The following REDIC1 variants were observed in gnomAD, a reference collection of about 807,000 sequenced individuals.
REDIC1 encodes the protein regulator of DNA class I crossover intermediates 1, also known as HEI10 Interacting Protein 1.
At chr12:39,709,067 T>C in the REDIC1 span, among the ~76,000 whole-genome samples, 1 of 151,826 alleles carries the variant, frequency 6.6e-6, no homozygotes. Context: ...TTAAGCACTT[T>C]CCCGAAGTTT....
the REDIC1 span, among the ~76,000 whole-genome samples, chr12:39,794,017 A>C: frequency 6.7e-6 from 1 of 148,578 alleles, no homozygotes; most frequent in Non-Finnish European, 1.5e-5. Context: ...CCTAATACCT[A>C]CTTTCTTGTT....
the REDIC1 span, chr12:39,908,287 AC>A: frequency 4.6e-5 from 7 of 151,328 alleles, no homozygotes; most frequent in Non-Finnish European, 4.4e-5. Context: ...TAATAATAAA[AC>A]CCCCCAAACA....
the REDIC1 span, among the ~76,000 whole-genome samples, chr12:39,745,264 G>A: frequency 1.3e-5 from 2 of 152,164 alleles, no homozygotes; most frequent in Non-Finnish European, 2.9e-5. Context: ...CAGTGACCCT[G>A]CAGGAAGAAA....
chr12:39,793,825 A>C, the REDIC1 span, among the ~76,000 whole-genome samples: 5 of 152,140 alleles, frequency 3.3e-5, no homozygotes. Context: ...CATAATTTCA[A>C]AATAAATGAT....
At chr12:39,829,822 C>A in the REDIC1 span, 2 of 380,036 alleles carry the variant, frequency 5.3e-6, no homozygotes, top group Non-Finnish European at 9.8e-6. Context: ...ATTGCCTTGG[C>A]AGTATTTGTG....
chr12:39,812,320 C>T, the REDIC1 span, among the ~76,000 whole-genome samples: 2 of 144,518 alleles, frequency 1.4e-5, no homozygotes, highest in African/African-American at 5.6e-5. Flanking sequence ...AATATCCTCA[C>T]ATTGGGACTA....
the REDIC1 span, among the ~76,000 whole-genome samples, chr12:39,812,379 TTTCTTTCTTTCTC>T: frequency 0.085 from 11,721 of 137,090 alleles, 564 homozygotes; most frequent in Middle Eastern, 0.12. Context: ...TTTCTTTTCT[TTTCTTTCTTTCTC>T]TCTCTCTTTC....
the REDIC1 span, among the ~76,000 whole-genome samples, chr12:39,879,946 G>C: frequency 6.6e-6 from 1 of 152,186 alleles, no homozygotes; most frequent in South Asian, 2.1e-4. Context: ...GGGTGTGTTT[G>C]GGTCATGGGG....
At chr12:39,755,045 C>G in the REDIC1 span, 2 of 151,888 alleles carry the variant, frequency 1.3e-5, no homozygotes, top group African/African-American at 2.4e-5. Flanking sequence ...ATTATTTTAA[C>G]TTTTATTTGA....
At chr12:39,712,869 A>G in the REDIC1 span, among the ~76,000 whole-genome samples, 1 of 145,754 alleles carries the variant, frequency 6.9e-6, no homozygotes, top group Non-Finnish European at 1.5e-5. Flanking sequence ...ATATACACGT[A>G]TATACACGTA....
chr12:39,901,211 A>C, the REDIC1 span, among the ~76,000 whole-genome samples: 1 of 152,206 alleles, frequency 6.6e-6, no homozygotes, highest in East Asian at 1.9e-4. Flanking sequence ...TAAAGACTTA[A>C]ACGTTAGACC....
At chr12:39,816,544 C>G in the REDIC1 span, among the ~76,000 whole-genome samples, 1 of 150,894 alleles carries the variant, frequency 6.6e-6, no homozygotes. Flanking sequence ...CAAACCTGCA[C>G]GTTGTGCACA....
chr12:39,810,655 A>C, the REDIC1 span, among the ~76,000 whole-genome samples: 2 of 152,146 alleles, frequency 1.3e-5, no homozygotes, highest in Non-Finnish European at 2.9e-5. Flanking sequence ...TCCTTCCATT[A>C]CCAGCCTTCT....
the REDIC1 span, chr12:39,716,698 T>G: frequency 8.1e-7 from 1 of 1,237,212 alleles, no homozygotes; most frequent in Non-Finnish European, 1.1e-6. Flanking sequence ...GCCTGGCATA[T>G]GTATGTTGTA....
the REDIC1 span, chr12:39,759,527 A>G: frequency 3.3e-5 from 5 of 152,972 alleles, no homozygotes; most frequent in Non-Finnish European, 5.9e-5. Flanking sequence ...GCTTACATGG[A>G]ATTTAGTTTG....
At chr12:39,743,687 A>T in the REDIC1 span, among the ~76,000 whole-genome samples, 1 of 152,216 alleles carries the variant, frequency 6.6e-6, no homozygotes, top group African/African-American at 2.4e-5. Context: ...ACAGAAATGA[A>T]GAATGCCTTT....
the REDIC1 span, among the ~76,000 whole-genome samples, chr12:39,899,572 T>C: frequency 1.3e-5 from 2 of 152,298 alleles, no homozygotes; most frequent in African/African-American, 2.4e-5. Flanking sequence ...ATTGTGATGT[T>C]AGGGTGTCAA....
the REDIC1 span, among the ~76,000 whole-genome samples, chr12:39,712,620 T>C: frequency 1.4e-5 from 2 of 145,540 alleles, no homozygotes; most frequent in African/African-American, 2.5e-5. Flanking sequence ...TATATAGATA[T>C]GTGTATATAT....
chr12:39,828,036 T>C, the REDIC1 span, among the ~76,000 whole-genome samples: 1 of 152,124 alleles, frequency 6.6e-6, no homozygotes, highest in East Asian at 1.9e-4. Context: ...GGTAATTGTA[T>C]AAAATCTATC....
Sources: gnomAD v4.1 joint callset for allele counts (sites outside exome capture counted in the v4.1 genomes callset) on GRCh38, gnomAD v4.1.1 for gene constraint, MANE v1.5 for transcripts, NCBI Gene and HGNC (gene_info 2026-07-23, HGNC 2026-07-21) for gene names.